SFMBT1: variants seen among roughly 807,000 people sequenced by gnomAD.
SFMBT1 encodes the protein scm-like with four MBT domains protein 1.
Under a neutral mutation model 108.7 loss-of-function variants are expected in SFMBT1, and 32 were observed. The observed-to-expected ratio is 0.29, with a 90% CI of 0.22 to 0.40. The LOEUF (loss-of-function observed/expected upper bound fraction) is 0.40. Among genes scored for constraint, SFMBT1 ranks in the 10% least tolerant of loss-of-function variants. SFMBT1 has a pLI of 1.00. For missense variants in SFMBT1, 816 were observed against 1,059.6 expected (o/e 0.77, Z 3.19); for synonymous variants, 348 against 369.5 (o/e 0.94, Z 0.67).
intron 4 of SFMBT1, among the ~76,000 whole-genome samples, chr3:52,936,905 T>G (rs1703025817): frequency 6.6e-6 from 1 of 150,600 alleles, no homozygotes; most frequent in Non-Finnish European, 1.5e-5. Context: ...TTTTTTTTTT[T>G]TTTTTTGAGA....
chr3:52,911,186 T>C lies in SFMBT1; in HGVS notation c.1731-8A>G. The C allele has an allele frequency of 6.3e-7, 1 of 1,593,076 alleles. No homozygotes were observed. The highest frequency in any genetic ancestry group is 1.3e-5 in the African/African-American group (1 of 74,410). On this transcript the variant is annotated splice_polypyrimidine_tract_variant and splice_region_variant and intron_variant, in intron 16 of 20. Coordinates refer to ENST00000394752, the MANE Select transcript of SFMBT1 (RefSeq NM_016329.4). Reference sequence around the variant, plus strand: ...TAACTCTTTCCTTTATATCTGCCATTGGAAGACATCAGATGCCAAATATAT... The same window carrying C: ...TAACTCTTTCCTTTATATCTGCCATCGGAAGACATCAGATGCCAAATATAT...
chr3:52,995,858 G>C (rs1005387084), intron 1 of SFMBT1, among the ~76,000 whole-genome samples: 2 of 149,654 alleles, frequency 1.3e-5, no homozygotes, highest in South Asian at 2.1e-4. Context: ...GATCACCTCA[G>C]GTCAGGAGTT....
In SFMBT1 at chr3:52,998,557, G is replaced by A. The variant is rs145818482; in HGVS notation, c.-130-29299C>T. Among the ~76,000 whole-genome samples the A allele has an allele frequency of 8.5e-3, 1,284 of 150,204 alleles. 102 individuals carry two copies. The highest frequency in any genetic ancestry group is 0.013 in the Non-Finnish European group (871 of 66,936). On this transcript the variant is annotated intron_variant, in intron 1 of 20. Coordinates refer to ENST00000394752, the MANE Select transcript of SFMBT1 (RefSeq NM_016329.4). ...GGGCCCAGCCATAGCTCTCGCCCTC[G>A]CAGGGTCCCTCCAGGGTCTCTGCTG...
intron 1 of SFMBT1, among the ~76,000 whole-genome samples, chr3:52,995,138 G>A (rs1698279215): frequency 6.7e-6 from 1 of 148,236 alleles, no homozygotes; most frequent in African/African-American, 2.4e-5. Context: ...AAATGGAGAG[G>A]CATACGATAT....
chr3:53,031,718 T>C (rs1348677599), intron 1 of SFMBT1, among the ~76,000 whole-genome samples: 1 of 152,066 alleles, frequency 6.6e-6, no homozygotes, highest in African/African-American at 2.4e-5. Flanking sequence ...CAGGATGCCA[T>C]GGTGATTAAA....
chr3:52,964,989 A>G (rs570084847), intron 2 of SFMBT1, among the ~76,000 whole-genome samples: 3 of 152,178 alleles, frequency 2.0e-5, no homozygotes, highest in Admixed American at 1.3e-4. Context: ...ACTCTCCCAT[A>G]AAAGAACCAA....
Position 53,023,030 on chromosome 3 carries a change from A to G in SFMBT1, c.-131+22786T>C, listed in dbSNP as rs1286625327. On this transcript the variant is annotated intron_variant, in intron 1 of 20. Transcript: ENST00000394752. Reference sequence around the variant, plus strand: ...GTCATCCCTAATAAATAGCTTATTAATAACTTCATATCATAAATCATGTAG... The same window carrying G: ...GTCATCCCTAATAAATAGCTTATTAGTAACTTCATATCATAAATCATGTAG... Among the ~76,000 whole-genome samples, 3 of 152,264 alleles carry G rather than the reference A, an allele frequency of 2.0e-5. No individual in the cohort carries two copies. The East Asian group carries it at 5.8e-4, about 29-fold the overall frequency.
chr3:52,968,600 C>CTTT lies in SFMBT1; in HGVS notation c.28+498_28+500dup, dbSNP rs5848970. The stretch of plus-strand genomic sequence containing the variant: ...AAAAGAAGTCTGTTCAAAACAGTTT[C>CTTT]TTTTTTTTTTTTTTTTTGAGAAGGA... On this transcript the variant is annotated intron_variant, in intron 2 of 20. Coordinates refer to ENST00000394752, the MANE Select transcript of SFMBT1 (RefSeq NM_016329.4). Among the ~76,000 whole-genome samples, 942 of 127,604 alleles carry CTTT rather than the reference C, an allele frequency of 7.4e-3. 7 individuals are homozygous for CTTT. The highest frequency in any genetic ancestry group is 0.011 in the Non-Finnish European group (630 of 59,438). The allele number at this position is 127,604 out of a possible 152,430, so 83.7% of individuals were successfully genotyped here. A position where few individuals can be genotyped will look rare whatever the true frequency, so the allele number is the denominator to read the frequency against.
At chr3:53,027,637 C>T (rs1237902212) in intron 1 of SFMBT1, among the ~76,000 whole-genome samples, 1 of 152,178 alleles carries the variant, frequency 6.6e-6, no homozygotes, top group Non-Finnish European at 1.5e-5. Context: ...CAGAGGTCAG[C>T]TATTTCTGAC....
At chr3:52,926,546 G>C (rs146443708) in intron 9 of SFMBT1, among the ~76,000 whole-genome samples, 2 of 152,288 alleles carry the variant, frequency 1.3e-5, no homozygotes, top group African/African-American at 4.8e-5. Flanking sequence ...CAAAGACGAA[G>C]ACTTTTTTTC....
intron 2 of SFMBT1, among the ~76,000 whole-genome samples, chr3:52,961,975 A>G (rs1209982113): frequency 1.3e-5 from 2 of 152,270 alleles, no homozygotes; most frequent in Non-Finnish European, 2.9e-5. Context: ...TGAGATGATG[A>G]GCAAGATATA....
intron 3 of SFMBT1, among the ~76,000 whole-genome samples, chr3:52,953,228 G>C (rs1703653346): frequency 6.6e-6 from 1 of 152,230 alleles, no homozygotes; most frequent in South Asian, 2.1e-4. Context: ...CACTCTGGGA[G>C]GCCAAGGCAG....
chr3:53,044,283 G>C (rs1430108982), intron 1 of SFMBT1, among the ~76,000 whole-genome samples: 3 of 152,062 alleles, frequency 2.0e-5, no homozygotes, highest in South Asian at 2.1e-4. Context: ...CCGAATTTTC[G>C]AACTGAAAGC....
intron 1 of SFMBT1, among the ~76,000 whole-genome samples, chr3:52,998,333 G>A (rs9823865): frequency 0.67 from 100,564 of 149,440 alleles, 36,103 homozygotes; most frequent in East Asian, 0.88. Context: ...TGAAGCTTGC[G>A]GTGAGCCGAG....
intron 1 of SFMBT1, among the ~76,000 whole-genome samples, chr3:52,998,928 C>T (rs934067799): frequency 1.3e-5 from 2 of 150,760 alleles, no homozygotes; most frequent in African/African-American, 4.8e-5. Flanking sequence ...CAGAGCTGCC[C>T]TGCCGGCCAC....
At chr3:53,016,085 G>C (rs1699115695) in intron 1 of SFMBT1, among the ~76,000 whole-genome samples, 1 of 151,226 alleles carries the variant, frequency 6.6e-6, no homozygotes, top group African/African-American at 2.4e-5. Flanking sequence ...CCTACTTTTA[G>C]CAGTAAAAGA....
chr3:52,920,549 G>A lies in SFMBT1; in HGVS notation c.1360C>T (p.Arg454Cys), dbSNP rs75244018. Residue 454 changes from arginine to cysteine, a missense_variant, in exon 12 of 21, where the codon CGC (arginine) becomes TGC (cysteine). By Grantham distance (180) the Arg-to-Cys change is radical. Around this residue, in one of 5 missense-constraint regions of SFMBT1, gnomAD observed 495 missense variants for 607.4 expected, o/e 0.81. Transcript: ENST00000394752. Reference sequence around the variant, plus strand: ...AATAGACAGATACCTCGTGCTCGGCGAGGAGTGCTGAGGGGGTGGCCGTTG... The same window carrying A: ...AATAGACAGATACCTCGTGCTCGGCAAGGAGTGCTGAGGGGGTGGCCGTTG... ...ETNGHPLSTP[R>C]RARVYKQRKI... 1,149 of 1,612,622 alleles carry A rather than the reference G, an allele frequency of 7.1e-4. 10 individuals are homozygous for A. The African/African-American group carries it at 0.013, about 19-fold the overall frequency.
At chr3:52,925,267 T>C (rs1328953340) in intron 10 of SFMBT1, among the ~76,000 whole-genome samples, 1 of 152,148 alleles carries the variant, frequency 6.6e-6, no homozygotes, top group Non-Finnish European at 1.5e-5. Flanking sequence ...AATATCTGAA[T>C]GCATATCATA....
rs777277773 is a variant in SFMBT1, at chr3:52,918,520, T to G, written c.1379A>C (p.Lys460Thr). ...CTGAACCACTGCAATTTTCCTCTGT[T>G]TATATACTGTAGAAAGAAAAAAATA... ...LSTPRRARVYKQRKIAVVQPE... is the reference protein window; with the variant it reads ...LSTPRRARVYTQRKIAVVQPE... Residue 460 changes from lysine to threonine, a missense_variant, in exon 13 of 21, where the codon AAA becomes ACA. Transcript: ENST00000394752. The G allele has an allele frequency of 1.4e-5, 21 of 1,550,558 alleles. No homozygotes were observed. The highest frequency in any genetic ancestry group is 1.6e-5 in the Non-Finnish European group (18 of 1,155,348).
Sources: gnomAD v4.1 joint callset for allele counts (sites outside exome capture counted in the v4.1 genomes callset) on GRCh38, gnomAD v4.1.1 for gene constraint, gnomAD v4.1.1 regional missense constraint, MANE v1.5 for transcripts, NCBI Gene and HGNC (gene_info 2026-07-23, HGNC 2026-07-21) for gene names.